Variants in HTT observed in about 807,000 individuals in gnomAD.
HTT encodes the protein huntingtin.
A neutral mutation model predicts 362.3 loss-of-function variants in HTT; 104 were observed. The ratio of observed to expected loss-of-function variants is 0.29; its 90% CI spans 0.24 to 0.34. The LOEUF (loss-of-function observed/expected upper bound fraction) is 0.34. Among genes scored for constraint, HTT ranks in the 10% least tolerant of loss-of-function variants. HTT has a pLI of 1.00. For synonymous variants in HTT, 1,577 were observed against 1,548.7 expected (o/e 1.02, Z -0.43); for missense variants, 3,301 against 3,928.6 (o/e 0.84, Z 4.27).
chr4:3,113,105 G>A (rs2798235), intron 6 of HTT: 90,320 of 671,540 alleles, frequency 0.13, 6,775 homozygotes, highest in Middle Eastern at 0.21. Context: ...AATACAGTAT[G>A]CCTCCTCTGT....
chr4:3,124,438 G>T (rs1447752142), intron 10 of HTT, among the ~76,000 whole-genome samples: 2 of 152,110 alleles, frequency 1.3e-5, no homozygotes, highest in African/African-American at 4.8e-5. Flanking sequence ...AGTGAAATCT[G>T]CCCAAATTAT....
rs755607942 is a variant in HTT at position 3,178,449 on chromosome 4, A to G, written c.4612+3A>G. 6.8e-6 allele frequency: 11 copies of G among 1,613,358 alleles called. No homozygotes were observed. Among genetic ancestry groups the G allele is most frequent in the Non-Finnish European group, 9.3e-6 (11 of 1,179,610 alleles). On this transcript the variant is annotated splice_donor_region_variant and intron_variant, in intron 35 of 66. Coordinates refer to ENST00000355072, the MANE Select transcript of HTT (RefSeq NM_001388492.1). ...TGGAAGGAAGGCTGTGACACATGGT[A>G]ACGGGACACACCTTTCACTGTCGTC... is the stretch of plus-strand genomic sequence containing the variant.
chr4:3,135,442 G>GT (rs1401809155), intron 19 of HTT, among the ~76,000 whole-genome samples: 13 of 144,832 alleles, frequency 9.0e-5, no homozygotes, highest in African/African-American at 3.6e-4. Context: ...ATAATTTAGG[G>GT]TTTGTTTTTT....
chr4:3,115,987 A>G (rs1186739269), intron 7 of HTT, 98 bp from the exon 8 acceptor site: 2 of 1,121,682 alleles, frequency 1.8e-6, no homozygotes, highest in Non-Finnish European at 1.3e-6. Flanking sequence ...TGTTTGTGCC[A>G]TCTTGATCTC....
In HTT at chr4:3,217,800, G is replaced by A; in HGVS notation, c.7090G>A (p.Ala2364Thr). ...KYITAACEMVAEMVESLQSVL... is the reference protein window; with the variant it reads ...KYITAACEMVTEMVESLQSVL... Reference sequence around the variant, plus strand: ...TATCACTGCAGCCTGTGAGATGGTGGCAGAAATGGTGGAGTCTCTGCAGTC... The same window carrying A: ...TATCACTGCAGCCTGTGAGATGGTGACAGAAATGGTGGAGTCTCTGCAGTC... Residue 2364 changes from alanine (A) to threonine (T), a missense_variant, in exon 52 of 67, where the codon GCA becomes ACA. Physicochemically the swap from Ala to Thr is moderately conservative, Grantham distance 58 (BLOSUM62 0). Coordinates refer to ENST00000355072, the MANE Select transcript of HTT (RefSeq NM_001388492.1). 1 of 1,614,084 alleles carries A rather than the reference G, an allele frequency of 6.2e-7. No individual in the cohort carries two copies. The highest frequency in any genetic ancestry group is 1.1e-5 in the South Asian group (1 of 91,050).
chr4:3,125,964 T>A (rs1280561533), intron 11 of HTT, among the ~76,000 whole-genome samples: 1 of 152,160 alleles, frequency 6.6e-6, no homozygotes, highest in Non-Finnish European at 1.5e-5. Context: ...GGAAATGGGA[T>A]GAAAAATTAT....
intron 29 of HTT, among the ~76,000 whole-genome samples, chr4:3,168,664 G>A (rs1172737599): frequency 6.6e-6 from 1 of 151,958 alleles, no homozygotes; most frequent in African/African-American, 2.4e-5. Context: ...CATTTTATAT[G>A]TTTTGTCTGG....
intron 6 of HTT, among the ~76,000 whole-genome samples, chr4:3,110,335 A>C (rs534069492): frequency 6.6e-6 from 1 of 152,092 alleles, no homozygotes; most frequent in Admixed American, 6.5e-5. Flanking sequence ...ACAATTTTTC[A>C]TGACAGGTAG....
chr4:3,080,049 A>T (rs533140792), intron 1 of HTT, among the ~76,000 whole-genome samples: 56 of 152,346 alleles, frequency 3.7e-4, no homozygotes, highest in African/African-American at 1.3e-3. Flanking sequence ...AGAAGACAAA[A>T]ATAAGTCTGG....
Position 3,142,299 on chromosome 4 carries a change from A to G in HTT, c.2946-467A>G, listed in dbSNP as rs558536151. Among the ~76,000 whole-genome samples, 46 of 152,320 alleles carry G rather than the reference A, an allele frequency of 3.0e-4. No individual in the cohort carries two copies. In the South Asian group the frequency reaches 3.5e-3, roughly 12 times the overall value. On this transcript the variant is annotated intron_variant, in intron 22 of 66. Transcript: ENST00000355072. ...TTGGCTTTATTCAAACCACTGGGGT[A>G]TTATAATTCATTTATAATTTATTTT... is the stretch of plus-strand genomic sequence containing the variant.
At chr4:3,182,675 G>C (rs1718581402) in intron 37 of HTT, among the ~76,000 whole-genome samples, 2 of 152,126 alleles carry the variant, frequency 1.3e-5, no homozygotes, top group African/African-American at 4.8e-5. Context: ...TTACAGGGGG[G>C]ATCCCACAGC....
At chr4:3,207,627 GC>G (rs1273019868) in intron 45 of HTT, among the ~76,000 whole-genome samples, 3 of 152,328 alleles carry the variant, frequency 2.0e-5, no homozygotes, top group Admixed American at 2.0e-4. Context: ...CATTTAGAAT[GC>G]CTGTATTCAC....
chr4:3,157,501 C>T lies in HTT; in HGVS notation c.3753+302C>T, dbSNP rs570150133. Among the ~76,000 whole-genome samples the T allele has an allele frequency of 3.4e-4, 52 of 152,310 alleles. 1 individual carries two copies. Among genetic ancestry groups the T allele is most frequent in the African/African-American group, 1.2e-3 (50 of 41,570 alleles). On this transcript the variant is annotated intron_variant, in intron 28 of 66. Coordinates refer to ENST00000355072, the MANE Select transcript of HTT (RefSeq NM_001388492.1). ...GAGTCTGGAGGGATCCGTGTACAGG[C>T]TTCCTTCCCTCCCGTGAGGCTCACA... is the stretch of plus-strand genomic sequence containing the variant.
At chr4:3,098,709 T>C (rs1284901232) in intron 2 of HTT, among the ~76,000 whole-genome samples, 1 of 152,188 alleles carries the variant, frequency 6.6e-6, no homozygotes, top group Non-Finnish European at 1.5e-5. Context: ...AATCTGACCA[T>C]GATCATCTGG....
chr4:3,114,243 C>T (rs988955560), intron 6 of HTT, among the ~76,000 whole-genome samples: 2 of 152,198 alleles, frequency 1.3e-5, no homozygotes, highest in Non-Finnish European at 2.9e-5. Context: ...GGTTTTCCAC[C>T]CTGGGTGGGC....
chr4:3,184,453 G>C lies in HTT; in HGVS notation c.4866+1983G>C, dbSNP rs1265423838. On this transcript the variant is annotated intron_variant, in intron 37 of 66. Transcript: ENST00000355072. ...CCTGAGTTGAGAATAGCCTTGAGGG[G>C]GAGGTGAGGGCAGAGCAGGGCCACC... Among the ~76,000 whole-genome samples, 4 of 152,154 alleles carry C rather than the reference G, an allele frequency of 2.6e-5. No homozygotes were observed. In the East Asian group the frequency reaches 7.7e-4, roughly 29 times the overall value.
intron 62 of HTT, 23 bp downstream of exon 62, chr4:3,235,421 C>A: frequency 6.5e-7 from 1 of 1,535,430 alleles, no homozygotes; most frequent in Non-Finnish European, 9.0e-7. Flanking sequence ...TGGCTGTCTT[C>A]CTCTGCACAC....
At position 3,172,377 on chromosome 4, in the gene HTT, G is replaced by A. The variant is rs1367879346; in HGVS notation, c.3922G>A (p.Ala1308Thr). Residue 1308 changes from alanine (A) to threonine (T), a missense_variant, in exon 30 of 67, where the codon GCA becomes ACA. Coordinates refer to ENST00000355072, the MANE Select transcript of HTT (RefSeq NM_001388492.1). ...CTGCTTTAGTCGAGAACCAATGATG[G>A]CAACTGTTTGTGTTCAACAAGTAAG... ...KSCFSREPMMATVCVQQLLKT... is the reference protein window; with the variant it reads ...KSCFSREPMMTTVCVQQLLKT... 1 of 1,609,100 alleles carries A rather than the reference G, an allele frequency of 6.2e-7. No homozygotes were observed. Among genetic ancestry groups the A allele is most frequent in the African/African-American group, 1.3e-5 (1 of 74,912 alleles).
chr4:3,101,334 T>C (rs948759612), intron 3 of HTT, among the ~76,000 whole-genome samples: 5 of 152,198 alleles, frequency 3.3e-5, no homozygotes, highest in African/African-American at 1.2e-4. Context: ...TTCTTTCCCA[T>C]GTCCTCTTCT....
Sources: allele counts gnomAD v4.1 joint callset (sites outside exome capture counted in the v4.1 genomes callset), GRCh38; gene constraint gnomAD v4.1.1; transcripts MANE v1.5; gene names NCBI Gene and HGNC (gene_info 2026-07-23, HGNC 2026-07-21).